Variants in SPINK6 observed in about 807,000 individuals in gnomAD.
SPINK6 encodes the protein serine peptidase inhibitor Kazal type 6.
Under a neutral mutation model 11.7 loss-of-function variants are expected in SPINK6, and 13 were observed. The observed-to-expected ratio is 1.11, with a 90% confidence interval of 0.72 to 1.76. The LOEUF (loss-of-function observed/expected upper bound fraction) is 1.76, where lower values mean the gene tolerates loss of function less well. Among genes scored for constraint, SPINK6 ranks in the 40% most tolerant of loss-of-function variants. SPINK6 has a pLI of 0.00. For missense variants in SPINK6, 98 were observed against 93.7 expected (o/e 1.05, Z -0.19); for synonymous variants, 21 against 31.9 (o/e 0.66, Z 1.15).
rs778849615 is a variant in SPINK6, at chr5:148,214,049, T to C, written c.197+24T>C. The C allele has an allele frequency of 2.8e-6, 4 of 1,448,142 alleles. No individual in the cohort carries two copies. The East Asian group carries it at 6.8e-5, about 25-fold the overall frequency. The allele number at this position is 1,448,142 out of a possible 1,614,324, so 89.7% of individuals were successfully genotyped here. On this transcript the variant is annotated intron_variant, in intron 3 of 3. Coordinates refer to ENST00000325630, the MANE Select transcript of SPINK6 (RefSeq NM_205841.4). The stretch of plus-strand genomic sequence containing the variant: ...GTGTAAGTATTATATTCATCAAAGC[T>C]GACCCTTGCAAACACAAACTTCCAT...
Position 148,214,003 on chromosome 5 carries a change from T to C in SPINK6, c.175T>C (p.Cys59Arg), listed in dbSNP as rs1390298258. ...TGATGGCCAGACATATGGCAATAAA[T>C]GTGCCTTCTGTAAGGCCATAGTGTA... Reference protein sequence around the residue: ...GSDGQTYGNKCAFCKAIVKSG... With the variant: ...GSDGQTYGNKRAFCKAIVKSG... The change falls in exon 3 of 4, where the codon TGT becomes CGT. Residue 59 changes from cysteine to arginine, a missense_variant. By Grantham distance (180) the Cys-to-Arg change is radical (BLOSUM62 -3). Coordinates refer to ENST00000325630, the MANE Select transcript of SPINK6 (RefSeq NM_205841.4). 6.2e-7 allele frequency: 1 copy of C among 1,611,078 alleles called. No homozygotes were observed. Among genetic ancestry groups the C allele is most frequent in the Non-Finnish European group, 8.5e-7 (1 of 1,177,252 alleles).
intron 2 of SPINK6, among the ~76,000 whole-genome samples, chr5:148,211,942 G>C (rs1755604000): frequency 2.6e-5 from 4 of 152,124 alleles, no homozygotes; most frequent in Non-Finnish European, 5.9e-5. Flanking sequence ...TATCATTTTA[G>C]ACAGAGAGAA....
chr5:148,213,888 G>A lies in SPINK6; in HGVS notation c.82-22G>A, dbSNP rs573113539. ...TCTCTTAGAATGCACTGATGTCAAT[G>A]TCACTCTGCTTACTTTGGTAGGTTG... On this transcript the variant is annotated intron_variant, in intron 2 of 3. Transcript: ENST00000325630. The A allele has an allele frequency of 1.1e-4, 135 of 1,272,444 alleles. 1 individual carries two copies. In the South Asian group the frequency reaches 1.5e-3, roughly 14 times the overall value. The allele number at this position is 1,272,444 out of a possible 1,614,324, so 78.8% of individuals were successfully genotyped here. A position where few individuals can be genotyped will look rare whatever the true frequency, so the allele number is the denominator to read the frequency against.
At chr5:148,209,045 T>C (rs1356938379) in intron 2 of SPINK6, among the ~76,000 whole-genome samples, 1 of 152,216 alleles carries the variant, frequency 6.6e-6, no homozygotes, top group Non-Finnish European at 1.5e-5. Flanking sequence ...TATTTTTGCT[T>C]GTATTTTAAG....
chr5:148,208,534 G>T (rs1462532866), intron 2 of SPINK6, among the ~76,000 whole-genome samples: 1 of 152,154 alleles, frequency 6.6e-6, no homozygotes, highest in Non-Finnish European at 1.5e-5. Context: ...ATAGTTAGCA[G>T]TCTGAATTAT....
intron 2 of SPINK6, among the ~76,000 whole-genome samples, chr5:148,213,506 G>A (rs1755642356): frequency 2.0e-5 from 3 of 151,966 alleles, no homozygotes; most frequent in South Asian, 2.1e-4. Flanking sequence ...GCCCATCCAT[G>A]TTTTGATAGC....
chr5:148,203,257 C>T lies in SPINK6; in HGVS notation c.58+103C>T, dbSNP rs1755457413. ...ATCCTAATGATTTTGATGTAAAAGA[C>T]CAATTCTGAGAGATTATCATAATGA... is the stretch of plus-strand genomic sequence containing the variant. On this transcript the variant is annotated intron_variant, in intron 1 of 3. Coordinates refer to ENST00000325630, the MANE Select transcript of SPINK6 (RefSeq NM_205841.4). 4.1e-5 allele frequency: 33 copies of T among 796,678 alleles called. 1 individual carries two copies. The East Asian group carries it at 8.4e-4, about 20-fold the overall frequency. 49.4% of individuals were successfully genotyped at this position (796,678 alleles called of 1,614,324 possible). A position where few individuals can be genotyped will look rare whatever the true frequency, so the allele number is the denominator to read the frequency against.
chr5:148,209,965 T>G (rs1209635269), intron 2 of SPINK6, among the ~76,000 whole-genome samples: 1 of 151,418 alleles, frequency 6.6e-6, no homozygotes, highest in South Asian at 2.1e-4. Flanking sequence ...TATGTATACA[T>G]ACATACGTAC....
At chr5:148,208,560 T>C (rs1755529533) in intron 2 of SPINK6, among the ~76,000 whole-genome samples, 1 of 152,156 alleles carries the variant, frequency 6.6e-6, no homozygotes, top group African/African-American at 2.4e-5. Context: ...TCAAAAAATA[T>C]CACATTAATT....
In SPINK6 at chr5:148,203,170, A is replaced by C. The variant is rs1324154266; in HGVS notation, c.58+16A>C. 4 of 1,597,396 alleles carry C rather than the reference A, an allele frequency of 2.5e-6. No homozygotes were observed. The East Asian group carries it at 9.0e-5, about 36-fold the overall frequency. On this transcript the variant is annotated intron_variant, in intron 1 of 3. Coordinates refer to ENST00000325630, the MANE Select transcript of SPINK6 (RefSeq NM_205841.4). ...TTTTTAACAGGTAAGTTTTTTCTTAAAATTAAGATCCCATATTTATACTGA... is the reference window on the plus strand; with the variant it reads ...TTTTTAACAGGTAAGTTTTTTCTTACAATTAAGATCCCATATTTATACTGA...
chr5:148,210,221 TGTATTTCTGCATGCATAC>T (rs1755570976), intron 2 of SPINK6, among the ~76,000 whole-genome samples: 1 of 126,896 alleles, frequency 7.9e-6, no homozygotes, highest in Non-Finnish European at 1.7e-5. Flanking sequence ...TGCATGCATA[TGTATTTCTGCATGCATAC>T]GTATGTATTT....
In SPINK6 at chr5:148,210,050, A is replaced by C. The variant is rs192774987; in HGVS notation, c.82-3860A>C. Reference sequence around the variant, plus strand: ...CGCATGCACAAACGTATGTATGCATATATGTATGTATATGTATGTATGCAT... The same window carrying C: ...CGCATGCACAAACGTATGTATGCATCTATGTATGTATATGTATGTATGCAT... On this transcript the variant is annotated intron_variant, in intron 2 of 3. Coordinates refer to ENST00000325630, the MANE Select transcript of SPINK6 (RefSeq NM_205841.4). Among the ~76,000 whole-genome samples, 79 of 73,550 alleles carry C rather than the reference A, an allele frequency of 1.1e-3. 1 individual carries two copies. The highest frequency in any genetic ancestry group is 2.2e-3 in the African/African-American group (68 of 30,900). The allele number at this position is 73,550 out of a possible 152,430, so 48.3% of individuals were successfully genotyped here.
chr5:148,209,570 C>A (rs1181043691), intron 2 of SPINK6, among the ~76,000 whole-genome samples: 2 of 152,126 alleles, frequency 1.3e-5, no homozygotes. Flanking sequence ...AAATGTCTCA[C>A]ACAGTGAGTT....
In SPINK6 at chr5:148,214,978, G is replaced by T. The variant is rs368792988; in HGVS notation, c.*28G>T. On this transcript the variant is annotated 3_prime_UTR_variant, in exon 4 of 4. Coordinates refer to ENST00000325630, the MANE Select transcript of SPINK6 (RefSeq NM_205841.4). ...TAAAGCCAATGTTTCTTGGTGACTT[G>T]CCAGCTTTTGCAGCCTTCTTTTCTC... The T allele has an allele frequency of 3.7e-6, 6 of 1,610,820 alleles. No individual in the cohort carries two copies. The Admixed American group carries it at 5.0e-5, about 13-fold the overall frequency.
intron 2 of SPINK6, among the ~76,000 whole-genome samples, chr5:148,206,951 T>C (rs1456601923): frequency 6.6e-6 from 1 of 152,156 alleles, no homozygotes; most frequent in Non-Finnish European, 1.5e-5. Flanking sequence ...CACTGCATTA[T>C]ATAAGAATGT....
Position 148,209,969 on chromosome 5 carries a change from T to TACGCATGTATGTATACATACAC in SPINK6, c.81+3914_81+3915insCATGTATGTATACATACACACG, listed in dbSNP as rs1755550686. On this transcript the variant is annotated intron_variant, in intron 2 of 3. Coordinates refer to ENST00000325630, the MANE Select transcript of SPINK6 (RefSeq NM_205841.4). Reference sequence around the variant, plus strand: ...GGTTTCATATATATGTATACATACATACGTACGTATGTATGTATACATATA... The same window carrying TACGCATGTATGTATACATACAC: ...GGTTTCATATATATGTATACATACATACGCATGTATGTATACATACACACGTACGTATGTATGTATACATATA... Among the ~76,000 whole-genome samples, 2 of 126,610 alleles carry TACGCATGTATGTATACATACAC rather than the reference T, an allele frequency of 1.6e-5. 1 individual carries two copies. The highest frequency in any genetic ancestry group is 3.5e-5 in the Non-Finnish European group (2 of 57,576). 83.1% of individuals were successfully genotyped at this position (126,610 alleles called of 152,430 possible). A position where few individuals can be genotyped will look rare whatever the true frequency, so the allele number is the denominator to read the frequency against.
intron 1 of SPINK6, among the ~76,000 whole-genome samples, chr5:148,204,976 T>C (rs1037830826): frequency 6.6e-6 from 1 of 152,204 alleles, no homozygotes; most frequent in South Asian, 2.1e-4. Context: ...TTTTATATAA[T>C]AGAATTTTTA....
At chr5:148,203,880 T>G (rs941213339) in intron 1 of SPINK6, among the ~76,000 whole-genome samples, 20 of 152,282 alleles carry the variant, frequency 1.3e-4, no homozygotes, top group African/African-American at 4.3e-4. Flanking sequence ...ATAAGCTATT[T>G]TCTTCCTTAT....
intron 2 of SPINK6, among the ~76,000 whole-genome samples, chr5:148,212,665 T>TA: frequency 9.2e-6 from 1 of 109,132 alleles, no homozygotes; most frequent in South Asian, 2.4e-4. Context: ...TATTTATATA[T>TA]TTATATAATA....
Sources: allele counts gnomAD v4.1 joint callset (sites outside exome capture counted in the v4.1 genomes callset), GRCh38; gene constraint gnomAD v4.1.1; transcripts MANE v1.5; gene names NCBI Gene and HGNC (gene_info 2026-07-23, HGNC 2026-07-21).